Variants in P3H2 observed in about 807,000 individuals in gnomAD.
P3H2 encodes the protein leprecan-like 1.
Under a neutral mutation model 87.0 loss-of-function variants are expected in P3H2, and 80 were observed. That is an observed-to-expected ratio of 0.92 (90% CI 0.77 to 1.11). The LOEUF is 1.11. Among genes scored for constraint, P3H2 ranks in the 50% least tolerant of loss-of-function variants. The pLI, the probability that P3H2 is intolerant of heterozygous loss-of-function variation, is 0.00. For missense variants in P3H2, 1,001 were observed against 923.9 expected, an observed-to-expected ratio of 1.08 and a Z score of -1.08; for synonymous variants, 367 against 359.3, an observed-to-expected ratio of 1.02 and a Z score of -0.24.
In P3H2 at chr3:189,957,806, CTGACA is replaced by C. The variant is rs1451978550; in HGVS notation, c.*101_*105del. 5 of 755,020 alleles carry C rather than the reference CTGACA, an allele frequency of 6.6e-6. No individual in the cohort carries two copies. The highest frequency in any genetic ancestry group is 1.2e-5 in the Non-Finnish European group (5 of 433,902). 46.8% of individuals were successfully genotyped at this position (755,020 alleles called of 1,614,324 possible). On this transcript the variant is annotated 3_prime_UTR_variant, in exon 15 of 15. Coordinates refer to ENST00000319332, the MANE Select transcript of P3H2 (RefSeq NM_018192.4). ...TAGGAAGAGAAGGAAGATCTGATGA[CTGACA>C]TTAACCTGTTAATTTATACCATGGC...
intron 1 of P3H2, 42 bp from the exon 2 acceptor site, chr3:189,995,484 C>T (rs761076658): frequency 1.0e-5 from 16 of 1,589,732 alleles, no homozygotes; most frequent in Admixed American, 3.4e-5. Flanking sequence ...GCAAATATTT[C>T]CAAATCACAC....
chr3:190,113,721 A>C (rs2108524638), intron 1 of P3H2, among the ~76,000 whole-genome samples: 1 of 152,316 alleles, frequency 6.6e-6, no homozygotes, highest in East Asian at 1.9e-4. Context: ...TTAGTAACAG[A>C]ATCCATTTGA....
At position 189,957,348 on chromosome 3, in the gene P3H2, A is replaced by G. The variant is rs574064788; in HGVS notation, c.*564T>C. On this transcript the variant is annotated 3_prime_UTR_variant, in exon 15 of 15. Transcript: ENST00000319332. ...AGAAAGGGCTTCAGAGACCAGGCAC[A>G]GGTTAATTTTAGAACTGGAGCACAC... 1.8e-4 allele frequency: 72 copies of G among 401,432 alleles called. No homozygotes were observed. Among genetic ancestry groups the G allele is most frequent in the African/African-American group, 1.5e-3 (71 of 48,726 alleles). 24.9% of individuals were successfully genotyped at this position (401,432 alleles called of 1,614,324 possible).
chr3:190,004,248 T>A (rs1025878798), intron 1 of P3H2, among the ~76,000 whole-genome samples: 1 of 152,164 alleles, frequency 6.6e-6, no homozygotes, highest in African/African-American at 2.4e-5. Flanking sequence ...GAAATAAAAA[T>A]GGCCATTTAT....
intron 1 of P3H2, among the ~76,000 whole-genome samples, chr3:190,038,486 G>GAAAAAAAAAAAAAA (rs57971408): frequency 1.1e-5 from 1 of 92,622 alleles, no homozygotes. Flanking sequence ...ACTGCAGAAT[G>GAAAAAAAAAAAAAA]AAAAAAAAAA....
At chr3:190,008,119 AATAAG>A (rs754510294) in intron 1 of P3H2, among the ~76,000 whole-genome samples, 2 of 151,864 alleles carry the variant, frequency 1.3e-5, no homozygotes, top group Non-Finnish European at 2.9e-5. Context: ...TACTTACATG[AATAAG>A]ATAAGTATAG....
chr3:189,990,829 T>C (rs925697816), intron 3 of P3H2, among the ~76,000 whole-genome samples: 2 of 152,174 alleles, frequency 1.3e-5, no homozygotes, highest in Non-Finnish European at 2.9e-5. Flanking sequence ...TTTTAATAAG[T>C]TTGAGTCTTA....
chr3:190,100,254 C>G (rs1361974297), intron 1 of P3H2, among the ~76,000 whole-genome samples: 2 of 135,384 alleles, frequency 1.5e-5, no homozygotes, highest in Non-Finnish European at 3.2e-5. Flanking sequence ...CCCGCCGCCC[C>G]CCCCCCCAAA....
Position 189,986,902 on chromosome 3 carries a change from A to G in P3H2, c.1099-25T>C, listed in dbSNP as rs745851773. 21 of 1,495,148 alleles carry G rather than the reference A, an allele frequency of 1.4e-5. No homozygotes were observed. In the South Asian group the frequency reaches 2.4e-4, roughly 17 times the overall value. 92.6% of individuals were successfully genotyped at this position (1,495,148 alleles called of 1,614,324 possible). Reference sequence around the variant, plus strand: ...CCTAGAGAAAAAGAAGTAAAGAAAGACATTTTTTATTTAAATAGCAGGTAA... The same window carrying G: ...CCTAGAGAAAAAGAAGTAAAGAAAGGCATTTTTTATTTAAATAGCAGGTAA... On this transcript the variant is annotated intron_variant, in intron 5 of 14. Coordinates refer to ENST00000319332, the MANE Select transcript of P3H2 (RefSeq NM_018192.4).
rs1712010057 is a variant in P3H2 at position 190,110,000 on chromosome 3, C to A, written c.480+10252G>T. 4.6e-5 allele frequency among the ~76,000 whole-genome samples: 7 copies of A among 152,102 alleles called. No homozygotes were observed. In the South Asian group the frequency reaches 1.5e-3, roughly 32 times the overall value. On this transcript the variant is annotated intron_variant, in intron 1 of 14. Coordinates refer to ENST00000319332, the MANE Select transcript of P3H2 (RefSeq NM_018192.4). ...AGTAGCTGGGATTACAGGCATGCAC[C>A]ACCACACTTGGCTAATTCTTGTATT...
chr3:189,964,885 G>A (rs1254314072), intron 13 of P3H2, among the ~76,000 whole-genome samples: 1 of 152,218 alleles, frequency 6.6e-6, no homozygotes. Context: ...CACTGAGCCA[G>A]GGTAGAAGAT....
chr3:190,103,668 G>A (rs538665610), intron 1 of P3H2, among the ~76,000 whole-genome samples: 119 of 152,240 alleles, frequency 7.8e-4, no homozygotes, highest in Non-Finnish European at 1.3e-3. Flanking sequence ...CTAAAGCAGA[G>A]GTAGGAAAGA....
intron 1 of P3H2, among the ~76,000 whole-genome samples, chr3:190,117,338 G>A (rs1712328755): frequency 6.6e-6 from 1 of 152,148 alleles, no homozygotes; most frequent in African/African-American, 2.4e-5. Context: ...GGCCCACTCA[G>A]CAGGATTTGG....
intron 6 of P3H2, 84 bp downstream of exon 6, chr3:189,986,704 G>T: frequency 9.9e-7 from 1 of 1,005,468 alleles, no homozygotes; most frequent in Non-Finnish European, 1.6e-6. Context: ...TGAGGTAAAT[G>T]GCAAAAATGG....
In P3H2 at chr3:190,023,886, C is replaced by G. The variant is rs1577279378; in HGVS notation, c.481-28444G>C. Among the ~76,000 whole-genome samples, 2 of 152,256 alleles carry G rather than the reference C, an allele frequency of 1.3e-5. 1 individual carries two copies. The highest frequency in any genetic ancestry group is 3.9e-4 in the East Asian group (2 of 5,180). On this transcript the variant is annotated intron_variant, in intron 1 of 14. Coordinates refer to ENST00000319332, the MANE Select transcript of P3H2 (RefSeq NM_018192.4). ...AATGTTTTACATAGTATTACAAAGG[C>G]AACATGATGTCCAGAAAGCTCTGTT...
rs753239255 is a variant in P3H2, at chr3:189,958,017, C to A, written c.2035-13G>T. ...CCTGTATTCGCTCCTGCAAAAAAGACAATTTACACATTTCTGTTACAAGCA... is the reference window on the plus strand; with the variant it reads ...CCTGTATTCGCTCCTGCAAAAAAGAAAATTTACACATTTCTGTTACAAGCA... On this transcript the variant is annotated splice_polypyrimidine_tract_variant and intron_variant, in intron 14 of 14. Coordinates refer to ENST00000319332, the MANE Select transcript of P3H2 (RefSeq NM_018192.4). The A allele has an allele frequency of 2.5e-6, 4 of 1,585,330 alleles. No individual in the cohort carries two copies. The South Asian group carries it at 3.3e-5, about 13-fold the overall frequency.
chr3:190,063,986 T>A (rs1196433965), intron 1 of P3H2, among the ~76,000 whole-genome samples: 4 of 146,234 alleles, frequency 2.7e-5, no homozygotes, highest in South Asian at 4.3e-4. Context: ...CATTTTAGAA[T>A]AAACTTTTTT....
chr3:190,113,294 T>C (rs539593442), intron 1 of P3H2, among the ~76,000 whole-genome samples: 2 of 152,348 alleles, frequency 1.3e-5, no homozygotes, highest in East Asian at 3.9e-4. Flanking sequence ...ATCTGTTAAG[T>C]GACAGGGATA....
chr3:190,043,904 C>T (rs1199785008), intron 1 of P3H2, among the ~76,000 whole-genome samples: 2 of 152,084 alleles, frequency 1.3e-5, no homozygotes, highest in South Asian at 2.1e-4. Context: ...TAAAATCATG[C>T]TTTTATTACT....
Sources: allele counts gnomAD v4.1 joint callset (sites outside exome capture counted in the v4.1 genomes callset), GRCh38; gene constraint gnomAD v4.1.1; transcripts MANE v1.5; gene names NCBI Gene and HGNC (gene_info 2026-07-23, HGNC 2026-07-21).